The following C11orf65 variants were observed in gnomAD, a reference collection of about 807,000 sequenced individuals.
The protein encoded by C11orf65 is chromosome 11 open reading frame 65.
In C11orf65, 38 loss-of-function variants were observed where a neutral mutation model predicts 35.3. The observed-to-expected ratio is 1.08, with a 90% CI of 0.83 to 1.41. The LOEUF is 1.41. Ranked by LOEUF, C11orf65 falls within the 40% of genes most tolerant of loss-of-function variation. The pLI is 0.00. For synonymous variants in C11orf65, 105 were observed against 114.4 expected (o/e 0.92, Z 0.53); for missense variants, 370 against 367.1 (o/e 1.01, Z -0.06).
chr11:108,385,870 A>AT (rs2091983963), intron 8 of C11orf65, 50 bp downstream of exon 8: 1 of 1,461,326 alleles, frequency 6.8e-7, no homozygotes, highest in Non-Finnish European at 9.6e-7. Context: ...TGTGGAATGT[A>AT]TTTTTTGTTC....
intron 6 of C11orf65, among the ~76,000 whole-genome samples, chr11:108,395,945 A>C (rs900146191): frequency 6.6e-6 from 1 of 151,754 alleles, no homozygotes; most frequent in Non-Finnish European, 1.5e-5. Context: ...TAATAATAAT[A>C]AAAAAAGAAG....
chr11:108,348,763 C>T (rs2088810056), intron 2 of C11orf65, among the ~76,000 whole-genome samples: 1 of 151,900 alleles, frequency 6.6e-6, no homozygotes, highest in Non-Finnish European at 1.5e-5. Context: ...AGAAAATATG[C>T]CATATTCACT....
At chr11:108,391,861 T>C (rs764130561) in intron 7 of C11orf65, among the ~76,000 whole-genome samples, 3 of 152,032 alleles carry the variant, frequency 2.0e-5, no homozygotes, top group South Asian at 2.1e-4. Flanking sequence ...TCCTTTGTGA[T>C]TGGCTTCTTT....
In C11orf65 at chr11:108,385,886, A is replaced by C. The variant is rs778728722; in HGVS notation, c.787+34T>G. ...GTGGAATGTATTTTTTGTTCATGAG[A>C]ATTTCCTATAAAGTACTGCTAAAAA... On this transcript the variant is annotated intron_variant, in intron 8 of 8. Transcript: ENST00000393084. The C allele has an allele frequency of 5.1e-6, 8 of 1,577,964 alleles. No individual in the cohort carries two copies. In the South Asian group the frequency reaches 9.0e-5, roughly 18 times the overall value.
At chr11:108,351,598 T>G (rs2089204625) in intron 2 of C11orf65, among the ~76,000 whole-genome samples, 1 of 152,206 alleles carries the variant, frequency 6.6e-6, no homozygotes, top group East Asian at 1.9e-4. Flanking sequence ...TTCACTTACA[T>G]GTCTGATGCT....
At chr11:108,406,127 A>G (rs1947599821) in intron 5 of C11orf65, among the ~76,000 whole-genome samples, 1 of 152,158 alleles carries the variant, frequency 6.6e-6, no homozygotes, top group Non-Finnish European at 1.5e-5. Flanking sequence ...TGTTTACCAC[A>G]CTGTACTGAA....
chr11:108,422,100 T>C (rs2092826621), intron 3 of C11orf65, among the ~76,000 whole-genome samples: 1 of 152,156 alleles, frequency 6.6e-6, no homozygotes, highest in South Asian at 2.1e-4. Context: ...TGGCTAATTT[T>C]TGTATTTTTA....
At chr11:108,321,267 T>C (rs1262621355) in intron 6 of C11orf65, 5 of 1,613,134 alleles carry the variant, frequency 3.1e-6, no homozygotes, top group Non-Finnish European at 4.2e-6. Context: ...ACCTCTTCTT[T>C]ATTTTCAGAG....
chr11:108,441,513 A>C (rs1014919404), intron 2 of C11orf65, among the ~76,000 whole-genome samples: 2 of 152,230 alleles, frequency 1.3e-5, no homozygotes, highest in African/African-American at 4.8e-5. Context: ...GAGAATGGGC[A>C]GACTGCCTCC....
At chr11:108,448,159 A>G (rs937164454) in intron 2 of C11orf65, among the ~76,000 whole-genome samples, 2 of 152,220 alleles carry the variant, frequency 1.3e-5, no homozygotes, top group African/African-American at 4.8e-5. Flanking sequence ...ACCAACCAAA[A>G]AAAGTCCAGG....
intron 7 of C11orf65, among the ~76,000 whole-genome samples, chr11:108,387,192 T>C (rs1260197580): frequency 6.9e-6 from 1 of 145,962 alleles, no homozygotes; most frequent in Non-Finnish European, 1.5e-5. Context: ...CTCGCTCTTG[T>C]GCCCTAGGCT....
chr11:108,362,180 C>CA (rs2090843696), intron 2 of C11orf65, among the ~76,000 whole-genome samples: 1 of 142,992 alleles, frequency 7.0e-6, no homozygotes, highest in South Asian at 2.4e-4. Context: ...TTTATGCAGC[C>CA]AAAAAACACA....
At position 108,385,235 on chromosome 11, in the gene C11orf65, C is replaced by A. The variant is rs146442991; in HGVS notation, c.787+685G>T. ...TACAGACATCTGCCACCATGCACAG[C>A]TAATTTTTGTATTTTTAGTAGAGTC... On this transcript the variant is annotated intron_variant, in intron 8 of 8. Coordinates refer to ENST00000393084, the MANE Select transcript of C11orf65 (RefSeq NM_152587.5). 4.2e-4 allele frequency among the ~76,000 whole-genome samples: 64 copies of A among 152,242 alleles called. 2 individuals carry two copies. In the East Asian group the frequency reaches 0.012, roughly 29 times the overall value.
chr11:108,385,794 T>C, intron 8 of C11orf65, 126 bp downstream of exon 8: 1 of 734,514 alleles, frequency 1.4e-6, no homozygotes, highest in Non-Finnish European at 2.3e-6. Flanking sequence ...AAAAATGACT[T>C]GACAAATGCA....
chr11:108,416,823 T>C (rs2092739956), intron 3 of C11orf65, among the ~76,000 whole-genome samples: 1 of 152,094 alleles, frequency 6.6e-6, no homozygotes, highest in African/African-American at 2.4e-5. Flanking sequence ...CACAGCCACT[T>C]TGGAAAAAGT....
At chr11:108,390,589 T>C (rs1015144767) in intron 7 of C11orf65, among the ~76,000 whole-genome samples, 2 of 152,078 alleles carry the variant, frequency 1.3e-5, no homozygotes, top group Non-Finnish European at 1.5e-5. Context: ...CCTGAGAAAA[T>C]TCTCTATCCA....
intron 1 of C11orf65, among the ~76,000 whole-genome samples, chr11:108,463,074 T>C (rs1444953239): frequency 6.6e-6 from 1 of 152,188 alleles, no homozygotes; most frequent in Admixed American, 6.5e-5. Flanking sequence ...TGCAGTGAGC[T>C]ATGATTGCAC....
intron 6 of C11orf65, among the ~76,000 whole-genome samples, chr11:108,396,766 G>A (rs912960207): frequency 6.6e-6 from 1 of 151,252 alleles, no homozygotes; most frequent in African/African-American, 2.4e-5. Flanking sequence ...CCTGGGAGAC[G>A]GAGCTTGCAG....
intron 3 of C11orf65, among the ~76,000 whole-genome samples, chr11:108,413,536 G>A (rs1228476470): frequency 5.3e-5 from 8 of 152,070 alleles, no homozygotes; most frequent in African/African-American, 1.9e-4. Flanking sequence ...TTGCCTGATT[G>A]TGCTGGCTAG....
Sources: allele counts gnomAD v4.1 joint callset (sites outside exome capture counted in the v4.1 genomes callset), GRCh38; gene constraint gnomAD v4.1.1; transcripts MANE v1.5; gene names NCBI Gene and HGNC (gene_info 2026-07-23, HGNC 2026-07-21).